Variants in ZNF737 observed in about 807,000 individuals in gnomAD.
The protein encoded by ZNF737 is zinc finger protein 737.
In ZNF737, 13 loss-of-function variants were observed where a neutral mutation model predicts 11.7. The ratio of observed to expected loss-of-function variants is 1.11; its 90% CI spans 0.73 to 1.77. The LOEUF is 1.77. ZNF737 is among the 40% of genes most tolerant of loss of function. The pLI is 0.00. For missense variants in ZNF737, 636 were observed against 638.0 expected (o/e 1.00, Z 0.03); for synonymous variants, 217 against 216.2 (o/e 1.00, Z -0.03).
chr19:20,543,156 TA>T lies in ZNF737; in HGVS notation c.*1435del, dbSNP rs199817753. ...TTAATATTTACTGCATCTGCAAAATTATATTTTAGCATAAACTCTCTGTTGT... is the reference window on the plus strand; with the variant it reads ...TTAATATTTACTGCATCTGCAAAATTTATTTTAGCATAAACTCTCTGTTGT... On this transcript the variant is annotated 3_prime_UTR_variant, in exon 4 of 4. Coordinates refer to ENST00000427401, the MANE Select transcript of ZNF737 (RefSeq NM_001159293.2). 37,795 of 968,092 alleles carry T rather than the reference TA, an allele frequency of 0.039. 860 individuals are homozygous for T. Among genetic ancestry groups the T allele is most frequent in the Non-Finnish European group, 0.043 (35,027 of 814,912 alleles). 60.0% of individuals were successfully genotyped at this position (968,092 alleles called of 1,614,324 possible). A position where few individuals can be genotyped will look rare whatever the true frequency, so the allele number is the denominator to read the frequency against.
chr19:20,531,854 A>G (rs782689768), downstream of ZNF737, among the ~76,000 whole-genome samples: 4 of 150,332 alleles, frequency 2.7e-5, no homozygotes, highest in Non-Finnish European at 5.9e-5. Context: ...AAATACTCAC[A>G]TAGAGAATTC....
chr19:20,548,647 T>A (rs2144637195), intron 3 of ZNF737, among the ~76,000 whole-genome samples: 1 of 152,148 alleles, frequency 6.6e-6, no homozygotes, highest in Admixed American at 6.5e-5. Context: ...ACGGTCTCAC[T>A]CTGTCACCCA....
At chr19:20,531,689 C>G (rs1178983023), downstream of ZNF737, among the ~76,000 whole-genome samples, 1 of 149,826 alleles carries the variant, frequency 6.7e-6, no homozygotes, top group Non-Finnish European at 1.5e-5. Context: ...AACTGCTGAC[C>G]TCAGGTGATC....
rs1555756868 is a variant in ZNF737, at chr19:20,545,763, C to T, written c.440G>A (p.Cys147Tyr). The change falls in exon 4 of 4, where the codon TGT (cysteine) becomes TAT (tyrosine). Residue 147 changes from cysteine to tyrosine, a missense_variant. Transcript: ENST00000427401. ...ATGAATGACTTTCACATATTTATCA[C>T]ACTGAAATATTTTGCTTTGAGTAGT... The part of the protein sequence containing the change: ...LTTTQSKIFQ[C>Y]DKYVKVIHKF... 1.2e-6 allele frequency: 2 copies of T among 1,613,282 alleles called. No individual in the cohort carries two copies. Among genetic ancestry groups the T allele is most frequent in the South Asian group, 2.2e-5 (2 of 90,882 alleles).
At position 20,542,877 on chromosome 19, in the gene ZNF737, T is replaced by C. The variant is rs1438734766; in HGVS notation, c.*1715A>G. ...AAATAACAGCATAATTTGAAAGCTG[T>C]ATTACATCATTATTCAGCTTTCAAA... On this transcript the variant is annotated 3_prime_UTR_variant, in exon 4 of 4. Transcript: ENST00000427401. 1 of 984,838 alleles carries C rather than the reference T, an allele frequency of 1.0e-6. No individual in the cohort carries two copies. The highest frequency in any genetic ancestry group is 1.2e-6 in the Non-Finnish European group (1 of 829,500). 61.0% of individuals were successfully genotyped at this position (984,838 alleles called of 1,614,324 possible). A position where few individuals can be genotyped will look rare whatever the true frequency, so the allele number is the denominator to read the frequency against.
At chr19:20,530,320 C>G in the ZNF737 span, among the ~76,000 whole-genome samples, 1 of 143,864 alleles carries the variant, frequency 7.0e-6, no homozygotes, top group African/African-American at 2.6e-5. Context: ...GGCTGACCCC[C>G]CACCTCCCTC....
chr19:20,549,190 C>T lies in ZNF737; in HGVS notation c.227-3214G>A, dbSNP rs62105650. ...TCATATTTATAGATAAATACACATA[C>T]AAATGTAATCTGATTATGATAGATA... On this transcript the variant is annotated intron_variant, in intron 3 of 3. Transcript: ENST00000427401. 3.9e-3 allele frequency among the ~76,000 whole-genome samples: 598 copies of T among 152,122 alleles called. 4 individuals carry two copies. Among genetic ancestry groups the T allele is most frequent in the Non-Finnish European group, 6.3e-3 (429 of 67,994 alleles).
intron 3 of ZNF737, among the ~76,000 whole-genome samples, chr19:20,551,999 C>T (rs540582329): frequency 2.7e-5 from 4 of 145,876 alleles, no homozygotes; most frequent in South Asian, 2.1e-4. Flanking sequence ...GGATATCATA[C>T]GTATAATTTC....
intron 3 of ZNF737, chr19:20,551,294 T>C (rs1436466434): frequency 2.0e-5 from 3 of 151,914 alleles, no homozygotes; most frequent in African/African-American, 7.3e-5. Context: ...CTAGGTGTTG[T>C]GGTGAGCACC....
In ZNF737 at chr19:20,540,895, A is replaced by G. The variant is rs1555754965; in HGVS notation, c.*3697T>C. ...TTCTGGCTTAAATTATTTTTTATGC[A>G]CCATTTATACATTCACACACACATA... is the stretch of plus-strand genomic sequence containing the variant. On this transcript the variant is annotated 3_prime_UTR_variant, in exon 4 of 4. Coordinates refer to ENST00000427401, the MANE Select transcript of ZNF737 (RefSeq NM_001159293.2). The G allele has an allele frequency of 1.0e-6, 1 of 963,832 alleles. No individual in the cohort carries two copies. The highest frequency in any genetic ancestry group is 1.2e-6 in the Non-Finnish European group (1 of 810,360). 59.7% of individuals were successfully genotyped at this position (963,832 alleles called of 1,614,324 possible). A position where few individuals can be genotyped will look rare whatever the true frequency, so the allele number is the denominator to read the frequency against.
downstream of ZNF737, among the ~76,000 whole-genome samples, chr19:20,534,965 G>A (rs1555753557): frequency 6.7e-6 from 1 of 150,012 alleles, no homozygotes; most frequent in Non-Finnish European, 1.5e-5. Context: ...AGCCATAACA[G>A]TAAGCAAAGA....
At chr19:20,560,251 G>T (rs2144693140) in intron 1 of ZNF737, among the ~76,000 whole-genome samples, 1 of 151,984 alleles carries the variant, frequency 6.6e-6, no homozygotes, top group African/African-American at 2.4e-5. Flanking sequence ...GGAACATGAG[G>T]TAGGAGAAAA....
rs1359395730 is a variant in ZNF737, at chr19:20,542,767, A to G, written c.*1825T>C. The G allele has an allele frequency of 5.3e-5, 52 of 984,906 alleles. No individual in the cohort carries two copies. Among genetic ancestry groups the G allele is most frequent in the Non-Finnish European group, 6.0e-5 (50 of 829,706 alleles). 61.0% of individuals were successfully genotyped at this position (984,906 alleles called of 1,614,324 possible). ...TTCTTACTATTTTATAGAAAAAGTC[A>G]TAATGTCCAAATAATGTAAAAAAAT... On this transcript the variant is annotated 3_prime_UTR_variant, in exon 4 of 4. Coordinates refer to ENST00000427401, the MANE Select transcript of ZNF737 (RefSeq NM_001159293.2).
downstream of ZNF737, among the ~76,000 whole-genome samples, chr19:20,531,542 G>A (rs578244893): frequency 3.3e-5 from 5 of 149,264 alleles, no homozygotes; most frequent in South Asian, 6.6e-4. Flanking sequence ...CTGAAACCTC[G>A]GCCTCCCAGG....
In ZNF737 at chr19:20,544,156, T is replaced by A; in HGVS notation, c.*436A>T. 9.9e-7 allele frequency: 1 copy of A among 1,005,516 alleles called. No individual in the cohort carries two copies. The highest frequency in any genetic ancestry group is 4.1e-5 in the South Asian group (1 of 24,254). The allele number at this position is 1,005,516 out of a possible 1,614,324, so 62.3% of individuals were successfully genotyped here. A position where few individuals can be genotyped will look rare whatever the true frequency, so the allele number is the denominator to read the frequency against. ...AAAAAAAAATATTGAAAACTTGTTATAGGATTTGCCACATTCCTCAAACTT... is the reference window on the plus strand; with the variant it reads ...AAAAAAAAATATTGAAAACTTGTTAAAGGATTTGCCACATTCCTCAAACTT... On this transcript the variant is annotated 3_prime_UTR_variant, in exon 4 of 4. Transcript: ENST00000427401.
At position 20,544,682 on chromosome 19, in the gene ZNF737, T is replaced by C. The variant is rs782289769; in HGVS notation, c.1521A>G (p.Lys507=). The C allele has an allele frequency of 4.2e-5, 68 of 1,607,010 alleles. No individual in the cohort carries two copies. The African/African-American group carries it at 8.7e-4, about 21-fold the overall frequency. Reference sequence around the variant, plus strand: ...TGCCACATTCTTCACATTTGTAGGGTTTCTCTCCAGTATGAATTCTCTTAT... The same window carrying C: ...TGCCACATTCTTCACATTTGTAGGGCTTCTCTCCAGTATGAATTCTCTTAT... ...TRHKRIHTGE[K]PYKCEECGKG... Residue 507 remains lysine, a synonymous_variant, in exon 4 of 4, where the codon AAA becomes AAG. Transcript: ENST00000427401.
intron 3 of ZNF737, among the ~76,000 whole-genome samples, chr19:20,550,826 A>T (rs1236044589): frequency 6.6e-6 from 1 of 152,218 alleles, no homozygotes; most frequent in Non-Finnish European, 1.5e-5. Flanking sequence ...GAAGTGTTCT[A>T]TTCAGAAGGC....
At chr19:20,552,324 T>C in intron 3 of ZNF737, 151 bp downstream of exon 3, 1 of 527,058 alleles carries the variant, frequency 1.9e-6, no homozygotes, top group Non-Finnish European at 3.1e-6. Flanking sequence ...AGAGCAAAAT[T>C]TAAAAAAGAA....
chr19:20,536,816 G>T (rs1555753965), downstream of ZNF737, among the ~76,000 whole-genome samples: 4 of 152,180 alleles, frequency 2.6e-5, no homozygotes, highest in African/African-American at 9.6e-5. Context: ...GGTGGTGGGT[G>T]CCTGTAATCC....
Sources: allele counts gnomAD v4.1 joint callset (sites outside exome capture counted in the v4.1 genomes callset), GRCh38; gene constraint gnomAD v4.1.1; transcripts MANE v1.5; gene names NCBI Gene and HGNC (gene_info 2026-07-23, HGNC 2026-07-21).